FAM135B: variants seen among roughly 807,000 people sequenced by gnomAD.
The protein encoded by FAM135B is protein FAM135B.
A neutral mutation model predicts 127.7 loss-of-function variants in FAM135B; 43 were observed. That is an observed-to-expected ratio of 0.34 (90% confidence interval 0.26 to 0.43). The LOEUF (loss-of-function observed/expected upper bound fraction) is 0.43, where lower values mean the gene tolerates loss of function less well. FAM135B is among the 20% of genes least tolerant of loss of function. The probability of loss-of-function intolerance (pLI) is 1.00; values close to 1 mark genes in which losing one functional copy is unlikely to be tolerated. For synonymous variants in FAM135B, 670 were observed against 665.1 expected (o/e 1.01, Z -0.11); for missense variants, 1,558 against 1,725.6 (o/e 0.90, Z 1.72).
At chr8:138,387,438 G>A (rs1832285605) in intron 1 of FAM135B, among the ~76,000 whole-genome samples, 1 of 152,126 alleles carries the variant, frequency 6.6e-6, no homozygotes, top group African/African-American at 2.4e-5. Context: ...GTTCAGATAA[G>A]CCCACCTCTC....
rs143737609 is a variant in FAM135B at position 138,141,639 on chromosome 8, G to C, written c.3639-290C>G. On this transcript the variant is annotated intron_variant, in intron 16 of 19. Transcript: ENST00000395297. The surrounding 1 kb of genome is among the most constrained non-coding windows in gnomAD (Gnocchi z 4.7). ...GAGCAGCCTGCTTTAATTCCACCTG[G>C]GGGAAGGGAAGGTCCTTCCTGAAAT... Among the ~76,000 whole-genome samples the C allele has an allele frequency of 1.4e-3, 214 of 152,292 alleles. 3 individuals carry two copies. The East Asian group carries it at 0.038, about 27-fold the overall frequency.
At chr8:138,184,842 G>A (rs1161352677) in intron 9 of FAM135B, among the ~76,000 whole-genome samples, 1 of 152,154 alleles carries the variant, frequency 6.6e-6, no homozygotes, top group Non-Finnish European at 1.5e-5. Context: ...GGGAACTAGT[G>A]GGAATTGCAG....
intron 3 of FAM135B, among the ~76,000 whole-genome samples, chr8:138,295,356 A>G (rs1205033872): frequency 1.3e-5 from 2 of 151,960 alleles, no homozygotes. Flanking sequence ...GAGAGCCAAC[A>G]TCTCCTTATC....
At chr8:138,432,880 C>G (rs1835273734) in intron 1 of FAM135B, among the ~76,000 whole-genome samples, 1 of 152,012 alleles carries the variant, frequency 6.6e-6, no homozygotes, top group African/African-American at 2.4e-5. Context: ...GTGACGGGGC[C>G]CCAGAAAACC....
At position 138,152,390 on chromosome 8, in the gene FAM135B, G is replaced by A. The variant is rs183117074; in HGVS notation, c.2085C>T (p.Val695=). The change falls in exon 13 of 20, where the codon GTC becomes GTT. Residue 695 remains valine, a synonymous_variant. Transcript: ENST00000395297. ...DSGIESEPSS[V]AWSEARSRAL... ...CCCTGCTTCGGGCCTCTGACCAGGC[G>A]ACGGAGCTTGGCTCACTCTCAATGC... 53 of 1,614,178 alleles carry A rather than the reference G, an allele frequency of 3.3e-5. 1 individual carries two copies. The highest frequency in any genetic ancestry group is 1.7e-4 in the African/African-American group (13 of 75,046).
intron 5 of FAM135B, among the ~76,000 whole-genome samples, chr8:138,252,742 C>A (rs906137055): frequency 6.6e-6 from 1 of 152,208 alleles, no homozygotes; most frequent in East Asian, 1.9e-4. Context: ...AAACAAAAAA[C>A]ACACACAGAA....
intron 1 of FAM135B, among the ~76,000 whole-genome samples, chr8:138,418,858 T>C (rs1260819389): frequency 2.1e-5 from 1 of 47,020 alleles, no homozygotes; most frequent in East Asian, 4.6e-4. Flanking sequence ...GTGCTAAACA[T>C]AGAAAAAAAA....
chr8:138,253,275 G>A (rs1047986863), intron 5 of FAM135B, among the ~76,000 whole-genome samples: 2 of 152,166 alleles, frequency 1.3e-5, no homozygotes, highest in African/African-American at 4.8e-5. Flanking sequence ...TGACGTGAAG[G>A]AGTGAGCTCC....
At chr8:138,376,608 C>T (rs1367091207) in intron 1 of FAM135B, among the ~76,000 whole-genome samples, 1 of 152,210 alleles carries the variant, frequency 6.6e-6, no homozygotes, top group African/African-American at 2.4e-5. Flanking sequence ...TCCTCCCTCC[C>T]ATGCCAAAAC....
chr8:138,405,797 C>G (rs7821185), intron 1 of FAM135B, among the ~76,000 whole-genome samples: 60,157 of 151,232 alleles, frequency 0.4, 12,446 homozygotes, highest in African/African-American at 0.52. Context: ...ACACTGACTT[C>G]CACAATGGTT....
At chr8:138,479,029 T>C (rs574088674) in intron 1 of FAM135B, among the ~76,000 whole-genome samples, 1 of 152,332 alleles carries the variant, frequency 6.6e-6, no homozygotes, top group South Asian at 2.1e-4. Flanking sequence ...AATGATTTCT[T>C]AGAACAGCTG....
In FAM135B at chr8:138,406,296, G is replaced by C. The variant is rs184093384; in HGVS notation, c.-19-38294C>G. ...CTTACCAACCAAAAAGAGTCTAGGA[G>C]CAGATGGATTCACAGCTGAATTCTA... On this transcript the variant is annotated intron_variant, in intron 1 of 19. Coordinates refer to ENST00000395297, the MANE Select transcript of FAM135B (RefSeq NM_015912.4). Among the ~76,000 whole-genome samples, 550 of 152,206 alleles carry C rather than the reference G, an allele frequency of 3.6e-3. 4 individuals carry two copies. Among genetic ancestry groups the C allele is most frequent in the African/African-American group, 0.011 (462 of 41,530 alleles).
intron 19 of FAM135B, among the ~76,000 whole-genome samples, chr8:138,133,477 T>C (rs563331055): frequency 1.3e-5 from 2 of 152,336 alleles, no homozygotes; most frequent in African/African-American, 2.4e-5. Flanking sequence ...CCTGTGTTCT[T>C]CTTTTCTGAA....
At chr8:138,201,751 C>A (rs566303439) in intron 7 of FAM135B, among the ~76,000 whole-genome samples, 1 of 152,148 alleles carries the variant, frequency 6.6e-6, no homozygotes, top group Non-Finnish European at 1.5e-5. Flanking sequence ...AGCAGGCAGG[C>A]AGATCATTAC....
chr8:138,139,151 A>C, intron 17 of FAM135B, 55 bp from the exon 18 acceptor site: 6 of 1,126,998 alleles, frequency 5.3e-6, no homozygotes, highest in Non-Finnish European at 8.0e-6. Context: ...ACAAAAACTA[A>C]CTGGGATGGA....
At chr8:138,495,846 C>T (rs1815370466) in intron 1 of FAM135B, among the ~76,000 whole-genome samples, 1 of 152,130 alleles carries the variant, frequency 6.6e-6, no homozygotes, top group Non-Finnish European at 1.5e-5. Flanking sequence ...AACAATGCCC[C>T]CTGGTTCAAA....
chr8:138,401,386 G>T (rs1833144884), intron 1 of FAM135B, among the ~76,000 whole-genome samples: 1 of 152,134 alleles, frequency 6.6e-6, no homozygotes, highest in South Asian at 2.1e-4. Flanking sequence ...TCTGAGACTT[G>T]GTTGCTTTCT....
At chr8:138,353,477 T>C (rs1025870123) in intron 2 of FAM135B, among the ~76,000 whole-genome samples, 1 of 152,212 alleles carries the variant, frequency 6.6e-6, no homozygotes, top group African/African-American at 2.4e-5. Context: ...TTGTTTTTCC[T>C]AATTTTCCTT....
chr8:138,394,811 T>C (rs529675497), intron 1 of FAM135B, among the ~76,000 whole-genome samples: 10 of 152,220 alleles, frequency 6.6e-5, no homozygotes, highest in Admixed American at 4.6e-4. Context: ...GATCCCAGCT[T>C]AGGTCTAGGC....
Sources: allele counts gnomAD v4.1 joint callset (sites outside exome capture counted in the v4.1 genomes callset), GRCh38; gene constraint gnomAD v4.1.1; non-coding constraint Gnocchi (gnomAD v3.1); transcripts MANE v1.5; gene names NCBI Gene and HGNC (gene_info 2026-07-23, HGNC 2026-07-21).